SPEF2: variants seen among roughly 807,000 people sequenced by gnomAD.
SPEF2 encodes the protein sperm flagella and cilia-associated protein 2.
SPEF2 carries 187 observed loss-of-function variants against 224.6 expected under a neutral mutation model. That is an observed-to-expected ratio of 0.83 (90% CI 0.74 to 0.94). SPEF2 has a LOEUF of 0.94. SPEF2 is among the 40% of genes least tolerant of loss of function. The pLI, the probability that SPEF2 is intolerant of heterozygous loss-of-function variation, is 0.00. For missense variants in SPEF2, 2,170 were observed against 2,135.6 expected, an observed-to-expected ratio of 1.02 and a Z score of -0.32; for synonymous variants, 715 against 707.3, an observed-to-expected ratio of 1.01 and a Z score of -0.17.
chr5:35,644,658 C>T (rs1462892540), intron 4 of SPEF2, 133 bp downstream of exon 4: 1 of 557,930 alleles, frequency 1.8e-6, no homozygotes, highest in Non-Finnish European at 2.9e-6. Context: ...TTTGTCCTGC[C>T]CTACTCTCAC....
chr5:35,660,909 G>A (rs1749602021), intron 8 of SPEF2, among the ~76,000 whole-genome samples: 1 of 152,040 alleles, frequency 6.6e-6, no homozygotes, highest in African/African-American at 2.4e-5. Flanking sequence ...CCTAAATTGT[G>A]AGGTTCTGAA....
At chr5:35,809,628 T>C (rs547701141) in intron 36 of SPEF2, among the ~76,000 whole-genome samples, 2 of 152,230 alleles carry the variant, frequency 1.3e-5, no homozygotes, top group South Asian at 2.1e-4. Flanking sequence ...AATGATCCCA[T>C]TAAATTGGTC....
At chr5:35,675,091 T>A (rs1007114447) in intron 10 of SPEF2, among the ~76,000 whole-genome samples, 1 of 152,220 alleles carries the variant, frequency 6.6e-6, no homozygotes, top group Non-Finnish European at 1.5e-5. Flanking sequence ...TTTCATCTTT[T>A]ATTTTCAGAT....
intron 20 of SPEF2, among the ~76,000 whole-genome samples, chr5:35,726,518 T>TATTTTTAAATATATAA (rs1272209856): frequency 6.6e-6 from 1 of 152,164 alleles, no homozygotes; most frequent in Non-Finnish European, 1.5e-5. Context: ...TAATAGATAC[T>TATTTTTAAATATATAA]GTTTTTAAAT....
chr5:35,648,431 CTG>C (rs1747720566), intron 5 of SPEF2, among the ~76,000 whole-genome samples: 1 of 150,782 alleles, frequency 6.6e-6, no homozygotes, highest in South Asian at 2.1e-4. Flanking sequence ...GTTGCCCAGG[CTG>C]GAGTGCAGTG....
intron 2 of SPEF2, among the ~76,000 whole-genome samples, chr5:35,633,748 C>T (rs149394488): frequency 6.6e-6 from 1 of 151,722 alleles, no homozygotes; most frequent in Non-Finnish European, 1.5e-5. Flanking sequence ...ATTTTAATTC[C>T]CTTATTGTTT....
intron 26 of SPEF2, among the ~76,000 whole-genome samples, chr5:35,768,052 T>C (rs1049478593): frequency 1.6e-4 from 24 of 152,174 alleles, no homozygotes; most frequent in African/African-American, 4.8e-4. Context: ...TTGTTGTTGT[T>C]GTTTTGTAAT....
chr5:35,710,234 A>G, intron 19 of SPEF2: 50 of 984,890 alleles, frequency 5.1e-5, no homozygotes, highest in Non-Finnish European at 5.9e-5. Flanking sequence ...GTCTGGAGGA[A>G]AATGGAAATA....
intron 13 of SPEF2, among the ~76,000 whole-genome samples, chr5:35,695,018 G>A (rs2149543953): frequency 6.6e-6 from 1 of 152,188 alleles, no homozygotes; most frequent in Non-Finnish European, 1.5e-5. Flanking sequence ...GCATGAAGCC[G>A]AGCTCCTCCT....
At chr5:35,755,738 TA>T (rs1205682031) in intron 24 of SPEF2, among the ~76,000 whole-genome samples, 10 of 152,202 alleles carry the variant, frequency 6.6e-5, no homozygotes, top group African/African-American at 2.4e-4. Context: ...GCCTCCCAAG[TA>T]GCTGGGATTA....
At chr5:35,775,305 A>G (rs78272921) in intron 28 of SPEF2, among the ~76,000 whole-genome samples, 6 of 152,096 alleles carry the variant, frequency 3.9e-5, no homozygotes, top group Admixed American at 3.9e-4. Flanking sequence ...CAAAGGGGAC[A>G]TGAGGGGAGT....
chr5:35,633,929 TCTC>T (rs1745476738), intron 2 of SPEF2, among the ~76,000 whole-genome samples: 1 of 152,090 alleles, frequency 6.6e-6, no homozygotes, highest in African/African-American at 2.4e-5. Context: ...AGCTCAGTTG[TCTC>T]CTCCTTTTTT....
intron 16 of SPEF2, among the ~76,000 whole-genome samples, chr5:35,704,020 G>A (rs2149573683): frequency 6.6e-6 from 1 of 152,164 alleles, no homozygotes; most frequent in East Asian, 1.9e-4. Flanking sequence ...TCCAGAATAG[G>A]ACTCAATCAG....
At chr5:35,805,680 A>G (rs1757965882) in intron 34 of SPEF2, among the ~76,000 whole-genome samples, 1 of 152,200 alleles carries the variant, frequency 6.6e-6, no homozygotes, top group South Asian at 2.1e-4. Context: ...AGAATGTAAG[A>G]AGCACAAAGC....
intron 18 of SPEF2, among the ~76,000 whole-genome samples, chr5:35,707,797 C>T (rs1011914252): frequency 6.6e-6 from 1 of 152,136 alleles, no homozygotes. Flanking sequence ...CAGAAATACA[C>T]AAGGCTCACT....
intron 23 of SPEF2, among the ~76,000 whole-genome samples, chr5:35,751,057 G>GTATATATATACGTATATATATATACGTA (rs1554048714): frequency 4.2e-5 from 1 of 24,004 alleles, no homozygotes; most frequent in African/African-American, 1.1e-4. Context: ...ATATATATAC[G>GTATATATATACGTATATATATATACGTA]TATATATATG....
chr5:35,657,790 G>A (rs1366724682), intron 7 of SPEF2, among the ~76,000 whole-genome samples: 3 of 152,132 alleles, frequency 2.0e-5, no homozygotes, highest in Non-Finnish European at 4.4e-5. Flanking sequence ...TAGTGTCTTG[G>A]CCAATTAAGG....
At chr5:35,766,028 G>A (rs1752041899) in intron 26 of SPEF2, among the ~76,000 whole-genome samples, 1 of 151,902 alleles carries the variant, frequency 6.6e-6, no homozygotes, top group African/African-American at 2.4e-5. Flanking sequence ...GGTTTGTTTT[G>A]TTAATACTTT....
At chr5:35,637,540 A>C (rs1017124532) in intron 2 of SPEF2, among the ~76,000 whole-genome samples, 2 of 152,332 alleles carry the variant, frequency 1.3e-5, no homozygotes, top group Admixed American at 1.3e-4. Context: ...TTCATAATCC[A>C]GATTATCCTA....
Sources: allele counts gnomAD v4.1 joint callset (sites outside exome capture counted in the v4.1 genomes callset), GRCh38; gene constraint gnomAD v4.1.1; transcripts MANE v1.5; gene names NCBI Gene and HGNC (gene_info 2026-07-23, HGNC 2026-07-21).